The following EDN1 variants were observed in gnomAD, a reference collection of about 807,000 sequenced individuals.
EDN1 encodes the protein endothelin-1.
A neutral mutation model predicts 21.7 loss-of-function variants in EDN1; 11 were observed. The observed-to-expected ratio is 0.51, with a 90% CI of 0.32 to 0.84. EDN1 has a LOEUF of 0.84. Among genes scored for constraint, EDN1 ranks in the 40% least tolerant of loss-of-function variants. EDN1 has a pLI of 0.03. For synonymous variants in EDN1, 85 were observed against 90.6 expected, an observed-to-expected ratio of 0.94 and a Z score of 0.35; for missense variants, 244 against 262.3, an observed-to-expected ratio of 0.93 and a Z score of 0.48.
intron 1 of EDN1, among the ~76,000 whole-genome samples, chr6:12,291,796 C>T (rs773091887): frequency 6.6e-6 from 1 of 152,184 alleles, no homozygotes; most frequent in Non-Finnish European, 1.5e-5. Context: ...ATCATTTTCC[C>T]CACCTAATTT....
the EDN1 span, among the ~76,000 whole-genome samples, chr6:12,263,672 T>A: frequency 6.6e-6 from 1 of 152,172 alleles, no homozygotes; most frequent in Non-Finnish European, 1.5e-5. Context: ...CACAATGAGA[T>A]CGTGGAAGAG....
chr6:12,248,669 G>C, the EDN1 span, among the ~76,000 whole-genome samples: 1 of 152,308 alleles, frequency 6.6e-6, no homozygotes, highest in African/African-American at 2.4e-5. Context: ...CTAAGCTTCA[G>C]GAGAGTGAAA....
At chr6:12,293,898 A>G (rs1466355396) in intron 2 of EDN1, 43 bp from the exon 3 acceptor site, 4 of 1,608,418 alleles carry the variant, frequency 2.5e-6, no homozygotes, top group South Asian at 2.2e-5. Context: ...TTTAAAGACT[A>G]TTAATTACAC....
the EDN1 span, among the ~76,000 whole-genome samples, chr6:12,275,027 C>T: frequency 1.3e-4 from 17 of 133,270 alleles, no homozygotes; most frequent in African/African-American, 4.1e-4. Flanking sequence ...CCTTCTTTTC[C>T]CCCAAAGACC....
the EDN1 span, among the ~76,000 whole-genome samples, chr6:12,241,235 G>T: frequency 6.7e-6 from 1 of 148,810 alleles, no homozygotes; most frequent in African/African-American, 2.5e-5. Context: ...GTGTGATCTT[G>T]GCTCACCGCA....
the EDN1 span, among the ~76,000 whole-genome samples, chr6:12,234,974 A>T: frequency 2.0e-5 from 3 of 152,220 alleles, no homozygotes; most frequent in East Asian, 3.8e-4. Flanking sequence ...ACTGAAATTC[A>T]GTTATTCTTT....
chr6:12,276,809 C>A, the EDN1 span, among the ~76,000 whole-genome samples: 1 of 152,136 alleles, frequency 6.6e-6, no homozygotes, highest in Non-Finnish European at 1.5e-5. Flanking sequence ...GAGGCAGGGC[C>A]ATTTTGAAGA....
the EDN1 span, among the ~76,000 whole-genome samples, chr6:12,265,181 G>C: frequency 1.7e-4 from 26 of 152,294 alleles, no homozygotes; most frequent in Non-Finnish European, 3.4e-4. Flanking sequence ...TGTTAGCTTT[G>C]ACAGGTTGTA....
intron 2 of EDN1, among the ~76,000 whole-genome samples, chr6:12,293,464 G>A (rs183896822): frequency 3.2e-4 from 49 of 152,296 alleles, no homozygotes; most frequent in Admixed American, 9.8e-4. Context: ...TGGGGTCGGT[G>A]GGGTGACGGT....
chr6:12,260,364 A>G, the EDN1 span, among the ~76,000 whole-genome samples: 12 of 152,210 alleles, frequency 7.9e-5, no homozygotes, highest in Non-Finnish European at 1.5e-4. Flanking sequence ...AATGAAAATC[A>G]AGCTTCTTGC....
the EDN1 span, among the ~76,000 whole-genome samples, chr6:12,248,227 C>A: frequency 8.5e-5 from 13 of 152,138 alleles, no homozygotes; most frequent in Admixed American, 8.5e-4. Context: ...AATACACAGC[C>A]TTGACATGGA....
At chr6:12,235,668 A>G in the EDN1 span, among the ~76,000 whole-genome samples, 110 of 152,360 alleles carry the variant, frequency 7.2e-4, 4 homozygotes, top group East Asian at 0.02. Flanking sequence ...GATAATCTGT[A>G]CTACAGTAGA....
the EDN1 span, among the ~76,000 whole-genome samples, chr6:12,282,590 T>C: frequency 6.6e-6 from 1 of 152,216 alleles, no homozygotes; most frequent in Non-Finnish European, 1.5e-5. Context: ...TTCCTCCTCC[T>C]CCTTCTTCCT....
At chr6:12,285,485 T>A (rs184334227), upstream of EDN1, among the ~76,000 whole-genome samples, 77 of 152,118 alleles carry the variant, frequency 5.1e-4, 1 homozygote, top group African/African-American at 1.8e-3. Context: ...AGGTATAAGA[T>A]ATTGCAGTTG....
chr6:12,261,310 A>G, the EDN1 span, among the ~76,000 whole-genome samples: 2 of 152,246 alleles, frequency 1.3e-5, no homozygotes, highest in Non-Finnish European at 2.9e-5. Flanking sequence ...CAACAGAGCC[A>G]ACAGAGTCTG....
chr6:12,278,902 C>A, the EDN1 span, among the ~76,000 whole-genome samples: 1 of 151,986 alleles, frequency 6.6e-6, no homozygotes, highest in Non-Finnish European at 1.5e-5. Context: ...GTAAAAAAAA[C>A]AAAACAAACA....
At chr6:12,235,941 C>T in the EDN1 span, among the ~76,000 whole-genome samples, 6 of 152,204 alleles carry the variant, frequency 3.9e-5, no homozygotes, top group African/African-American at 1.2e-4. Context: ...AGACACAAAG[C>T]GTACATCATA....
the EDN1 span, among the ~76,000 whole-genome samples, chr6:12,252,282 G>T: frequency 4.3e-4 from 65 of 152,266 alleles, no homozygotes; most frequent in Non-Finnish European, 8.5e-4. Context: ...GGACTCTGTT[G>T]CTACTTGCAG....
chr6:12,294,648 ATC>A (rs1220917373), intron 4 of EDN1, among the ~76,000 whole-genome samples: 1 of 152,202 alleles, frequency 6.6e-6, no homozygotes, highest in Non-Finnish European at 1.5e-5. Flanking sequence ...ATACCATTTC[ATC>A]TACAGGTAGA....
Sources: allele counts gnomAD v4.1 joint callset (sites outside exome capture counted in the v4.1 genomes callset), GRCh38; gene constraint gnomAD v4.1.1; transcripts MANE v1.5; gene names NCBI Gene and HGNC (gene_info 2026-07-23, HGNC 2026-07-21).